The following SMAD3 variants were observed in gnomAD, a reference collection of about 807,000 sequenced individuals.
SMAD3 encodes MAD homolog 3.
In SMAD3, 12 loss-of-function variants were observed where a neutral mutation model predicts 51.8. The ratio of observed to expected loss-of-function variants is 0.23; its 90% CI spans 0.15 to 0.38. SMAD3 has a LOEUF of 0.38. SMAD3 is among the 10% of genes least tolerant of loss of function. The pLI is 1.00. For missense variants in SMAD3, 294 were observed against 565.6 expected, an observed-to-expected ratio of 0.52 and a Z score of 4.87; for synonymous variants, 238 against 227.7, an observed-to-expected ratio of 1.05 and a Z score of -0.41.
chr15:67,120,430 C>G (rs1419969795), intron 1 of SMAD3, among the ~76,000 whole-genome samples: 1 of 152,198 alleles, frequency 6.6e-6, no homozygotes, highest in African/African-American at 2.4e-5. Context: ...CTGTATGTAT[C>G]AAACTCACTT....
chr15:67,176,655 A>G lies in SMAD3; in HGVS notation c.659-4586A>G, dbSNP rs568798561. 3.9e-5 allele frequency among the ~76,000 whole-genome samples: 6 copies of G among 152,358 alleles called. No homozygotes were observed. In the South Asian group the frequency reaches 1.0e-3, roughly 26 times the overall value. On this transcript the variant is annotated intron_variant, in intron 5 of 8. Coordinates refer to ENST00000327367, the MANE Select transcript of SMAD3 (RefSeq NM_005902.4). ...GTTTTCTTTTTCTTAAACATAATGG[A>G]ACGTCTGTGCCAGCTTGGAACAGGA...
Position 67,133,352 on chromosome 15 carries a change from G to A in SMAD3, c.207-31543G>A, listed in dbSNP as rs528231117. Among the ~76,000 whole-genome samples, 17 of 151,770 alleles carry A rather than the reference G, an allele frequency of 1.1e-4. 1 individual carries two copies. The South Asian group carries it at 2.5e-3, about 22-fold the overall frequency. On this transcript the variant is annotated intron_variant, in intron 1 of 8. Transcript: ENST00000327367. Reference sequence around the variant, plus strand: ...GCCTATAGCCATAATCTTTTACACCGTAACATAACTTTGCCAATGCCAATA... The same window carrying A: ...GCCTATAGCCATAATCTTTTACACCATAACATAACTTTGCCAATGCCAATA...
chr15:67,138,126 C>CT, intron 1 of SMAD3: 6 of 1,529,476 alleles, frequency 3.9e-6, no homozygotes, highest in East Asian at 2.4e-5. Flanking sequence ...CGGGACATGT[C>CT]TTTTCTCTTT....
intron 1 of SMAD3, among the ~76,000 whole-genome samples, chr15:67,142,046 A>G (rs1961839496): frequency 1.3e-5 from 2 of 152,188 alleles, no homozygotes; most frequent in Admixed American, 1.3e-4. Flanking sequence ...CAGAGAGCTT[A>G]AGTCACTTGC....
At chr15:67,101,035 C>T (rs1960743716) in intron 1 of SMAD3, among the ~76,000 whole-genome samples, 1 of 152,194 alleles carries the variant, frequency 6.6e-6, no homozygotes, top group Non-Finnish European at 1.5e-5. Context: ...CTGTCTCACC[C>T]TGAGGTGAGG....
At chr15:67,117,609 G>A (rs965790007) in intron 1 of SMAD3, among the ~76,000 whole-genome samples, 1 of 152,122 alleles carries the variant, frequency 6.6e-6, no homozygotes, top group African/African-American at 2.4e-5. Flanking sequence ...CTTTCCTGCT[G>A]GGAAGTCCTC....
intron 1 of SMAD3, among the ~76,000 whole-genome samples, chr15:67,074,915 G>A (rs934452984): frequency 2.0e-5 from 3 of 152,136 alleles, no homozygotes; most frequent in Non-Finnish European, 4.4e-5. Context: ...ACTGTGTATG[G>A]CTTTGCCTTT....
chr15:67,183,383 T>G (rs1378758908), intron 6 of SMAD3, among the ~76,000 whole-genome samples: 1 of 151,290 alleles, frequency 6.6e-6, no homozygotes, highest in Non-Finnish European at 1.5e-5. Flanking sequence ...ACATTTTTGG[T>G]CTGGGTCTTC....
intron 1 of SMAD3, among the ~76,000 whole-genome samples, chr15:67,156,340 TG>T (rs1221524077): frequency 6.6e-6 from 1 of 152,210 alleles, no homozygotes; most frequent in African/African-American, 2.4e-5. Context: ...GAGGAGTATT[TG>T]GGGGTAAGTT....
intron 1 of SMAD3, among the ~76,000 whole-genome samples, chr15:67,104,848 G>T (rs920529214): frequency 6.6e-6 from 1 of 152,256 alleles, no homozygotes; most frequent in East Asian, 1.9e-4. Context: ...AAGAACTGGG[G>T]TCTATGTCCT....
At chr15:67,161,289 C>T (rs1471582713) in intron 1 of SMAD3, among the ~76,000 whole-genome samples, 2 of 152,174 alleles carry the variant, frequency 1.3e-5, no homozygotes, top group African/African-American at 4.8e-5. Context: ...TTTGTCAGTC[C>T]TTGTGCCATT....
At chr15:67,121,822 G>A (rs939735758) in intron 1 of SMAD3, among the ~76,000 whole-genome samples, 6 of 152,180 alleles carry the variant, frequency 3.9e-5, no homozygotes, top group Non-Finnish European at 8.8e-5. Flanking sequence ...ATTCATGCAT[G>A]TTTTTCCTCC....
In SMAD3 at chr15:67,113,076, G is replaced by GTGTATATATATATATATATA. The variant is rs763595789; in HGVS notation, c.206+46717_206+46718insGTATATATATATATATATAT. ...CAACTTTTAAAATATATATATATGT[G>GTGTATATATATATATATATA]TATATATATATATATATATTTTTTT... On this transcript the variant is annotated intron_variant, in intron 1 of 8. Transcript: ENST00000327367. Among the ~76,000 whole-genome samples the GTGTATATATATATATATATA allele has an allele frequency of 5.7e-4, 20 of 34,984 alleles. 3 individuals carry two copies. Among genetic ancestry groups the GTGTATATATATATATATATA allele is most frequent in the Admixed American group, 4.4e-3 (12 of 2,758 alleles). The allele number at this position is 34,984 out of a possible 152,430, so 23.0% of individuals were successfully genotyped here. A position where few individuals can be genotyped will look rare whatever the true frequency, so the allele number is the denominator to read the frequency against.
chr15:67,068,263 C>G (rs556827048), intron 1 of SMAD3, among the ~76,000 whole-genome samples: 2 of 152,388 alleles, frequency 1.3e-5, no homozygotes, highest in African/African-American at 4.8e-5. Context: ...TGTGCTCTTT[C>G]TGCTGCCCCA....
chr15:67,116,664 G>T (rs1961142181), intron 1 of SMAD3, among the ~76,000 whole-genome samples: 1 of 152,196 alleles, frequency 6.6e-6, no homozygotes, highest in Non-Finnish European at 1.5e-5. Flanking sequence ...AGGTGTGGAA[G>T]TGCTCCTCAA....
chr15:67,075,838 C>T (rs1960155239), intron 1 of SMAD3, among the ~76,000 whole-genome samples: 1 of 151,642 alleles, frequency 6.6e-6, no homozygotes, highest in African/African-American at 2.4e-5. Context: ...TTGCTTGAAC[C>T]TGGGAGCCAG....
intron 1 of SMAD3, among the ~76,000 whole-genome samples, chr15:67,097,352 A>G (rs979081901): frequency 6.6e-6 from 1 of 151,984 alleles, no homozygotes; most frequent in Admixed American, 6.6e-5. Context: ...GTAGCTTGGG[A>G]CTACAGGCAC....
chr15:67,098,700 G>A, intron 1 of SMAD3: 1 of 584,232 alleles, frequency 1.7e-6, no homozygotes. Flanking sequence ...CGGGAGTTGG[G>A]AGAGAACTGT....
chr15:67,151,665 G>A (rs1454068724), intron 1 of SMAD3, among the ~76,000 whole-genome samples: 1 of 152,090 alleles, frequency 6.6e-6, no homozygotes, highest in African/African-American at 2.4e-5. Flanking sequence ...TAAAGTTAGA[G>A]TTTTTGAAAA....
Sources: gnomAD v4.1 joint callset for allele counts (sites outside exome capture counted in the v4.1 genomes callset) on GRCh38, gnomAD v4.1.1 for gene constraint, MANE v1.5 for transcripts, NCBI Gene and HGNC (gene_info 2026-07-23, HGNC 2026-07-21) for gene names.